The following IKZF3 variants were observed in gnomAD, a reference collection of about 807,000 sequenced individuals.
IKZF3 encodes the protein IKAROS family zinc finger 3.
IKZF3 carries 10 observed loss-of-function variants against 49.0 expected under a neutral mutation model. The observed-to-expected ratio is 0.20, with a 90% CI of 0.13 to 0.35. The LOEUF is 0.35. Among genes scored for constraint, IKZF3 ranks in the 10% least tolerant of loss-of-function variants. The pLI is 1.00. For missense variants in IKZF3, 498 were observed against 664.8 expected (o/e 0.75, Z 2.76); for synonymous variants, 209 against 228.2 (o/e 0.92, Z 0.76).
intron 7 of IKZF3, among the ~76,000 whole-genome samples, chr17:39,775,810 G>A (rs9913596): frequency 0.057 from 8,704 of 151,880 alleles, 384 homozygotes; most frequent in African/African-American, 0.12. Context: ...TGTAATCCCA[G>A]CTACTCAGGA....
At chr17:39,856,025 A>ATGTACAATATAACATGTATATTGTATC (rs2063038419) in intron 1 of IKZF3, among the ~76,000 whole-genome samples, 1 of 134,134 alleles carries the variant, frequency 7.5e-6, no homozygotes. Flanking sequence ...TATATTGTAT[A>ATGTACAATATAACATGTATATTGTATC]TGTACAATAT....
At chr17:39,845,052 A>G (rs963554955) in intron 1 of IKZF3, among the ~76,000 whole-genome samples, 5 of 152,220 alleles carry the variant, frequency 3.3e-5, no homozygotes. Context: ...GAAGTTTTAT[A>G]TCTCTATTGT....
intron 1 of IKZF3, among the ~76,000 whole-genome samples, chr17:39,849,894 T>C (rs1367386139): frequency 6.6e-6 from 1 of 151,476 alleles, no homozygotes; most frequent in Non-Finnish European, 1.5e-5. Context: ...GTGGAACAAG[T>C]ATAACTCTCA....
chr17:39,820,271 G>C (rs2061773937), intron 3 of IKZF3, among the ~76,000 whole-genome samples: 1 of 152,160 alleles, frequency 6.6e-6, no homozygotes, highest in African/African-American at 2.4e-5. Flanking sequence ...CTGAAGAAAT[G>C]ACATTTAAGA....
intron 7 of IKZF3, among the ~76,000 whole-genome samples, chr17:39,774,231 T>C (rs1274864327): frequency 6.6e-6 from 1 of 152,138 alleles, no homozygotes; most frequent in Non-Finnish European, 1.5e-5. Context: ...CTGAGTGCTG[T>C]GCAACTGTCA....
At chr17:39,841,751 T>C (rs2062474284) in intron 1 of IKZF3, among the ~76,000 whole-genome samples, 2 of 152,010 alleles carry the variant, frequency 1.3e-5, no homozygotes, top group African/African-American at 4.8e-5. Context: ...TTCTACTATA[T>C]ATAAAAAGAT....
intron 5 of IKZF3, among the ~76,000 whole-genome samples, chr17:39,788,846 C>T (rs540903868): frequency 6.6e-6 from 1 of 152,314 alleles, no homozygotes; most frequent in East Asian, 1.9e-4. Context: ...AGAACATTGA[C>T]ATATTTGGGT....
intron 6 of IKZF3, among the ~76,000 whole-genome samples, chr17:39,782,174 T>G (rs2060759392): frequency 6.6e-6 from 1 of 152,240 alleles, no homozygotes; most frequent in South Asian, 2.1e-4. Context: ...GGCACTCATT[T>G]TCTTTCCTAA....
In IKZF3 at chr17:39,758,819, A is replaced by C. The variant is rs2060118319; in HGVS notation, c.*6971T>G. On this transcript the variant is annotated 3_prime_UTR_variant, in exon 8 of 8. Coordinates refer to ENST00000346872, the MANE Select transcript of IKZF3 (RefSeq NM_012481.5). Reference sequence around the variant, plus strand: ...AAACTGTTAGAGATCAGTTACCTCCATAATTCATTTGTAAAGGAATTGCTA... The same window carrying C: ...AAACTGTTAGAGATCAGTTACCTCCCTAATTCATTTGTAAAGGAATTGCTA... The C allele has an allele frequency of 1.3e-5, 2 of 149,432 alleles. No individual in the cohort carries two copies. The highest frequency in any genetic ancestry group is 4.3e-4 in the South Asian group (2 of 4,610). The allele number at this position is 149,432 out of a possible 1,614,324, so 9.3% of individuals were successfully genotyped here. A position where few individuals can be genotyped will look rare whatever the true frequency, so the allele number is the denominator to read the frequency against.
chr17:39,802,090 C>T lies in IKZF3; in HGVS notation c.164-9157G>A, dbSNP rs370775261. On this transcript the variant is annotated intron_variant, in intron 3 of 7. Coordinates refer to ENST00000346872, the MANE Select transcript of IKZF3 (RefSeq NM_012481.5). Reference sequence around the variant, plus strand: ...ATAAAAAATTAGCCGGGCATGGTGACGGGCACCTGTAGTCCCAGCTACTCG... The same window carrying T: ...ATAAAAAATTAGCCGGGCATGGTGATGGGCACCTGTAGTCCCAGCTACTCG... Among the ~76,000 whole-genome samples, 16 of 151,504 alleles carry T rather than the reference C, an allele frequency of 1.1e-4. No individual in the cohort carries two copies. In the East Asian group the frequency reaches 2.9e-3, roughly 28 times the overall value.
intron 3 of IKZF3, among the ~76,000 whole-genome samples, chr17:39,826,274 C>T (rs1405497804): frequency 6.6e-6 from 1 of 152,188 alleles, no homozygotes; most frequent in Admixed American, 6.5e-5. Flanking sequence ...AACTCCTGAG[C>T]TCAAGCAATC....
chr17:39,824,646 C>T (rs1168463507), intron 3 of IKZF3, among the ~76,000 whole-genome samples: 1 of 151,502 alleles, frequency 6.6e-6, no homozygotes, highest in South Asian at 2.1e-4. Flanking sequence ...GTGGTTTCCC[C>T]CATGTTGGTC....
intron 1 of IKZF3, among the ~76,000 whole-genome samples, chr17:39,858,788 C>A (rs1473224243): frequency 1.3e-5 from 2 of 151,710 alleles, no homozygotes; most frequent in African/African-American, 4.8e-5. Context: ...CTGTATACCA[C>A]TTTGGACTTA....
At position 39,793,755 on chromosome 17, in the gene IKZF3, C is replaced by A. The variant is rs191187356; in HGVS notation, c.164-822G>T. ...GGAGGGACTGGCTCAAGTGAGTTGG[C>A]TGACCAAGTACTATCTTAAGAACTG... On this transcript the variant is annotated intron_variant, in intron 3 of 7. Coordinates refer to ENST00000346872, the MANE Select transcript of IKZF3 (RefSeq NM_012481.5). Among the ~76,000 whole-genome samples the A allele has an allele frequency of 9.3e-4, 141 of 152,156 alleles. 1 individual carries two copies. The highest frequency in any genetic ancestry group is 1.6e-3 in the Non-Finnish European group (110 of 68,008).
chr17:39,818,492 C>T (rs146760210), intron 3 of IKZF3, among the ~76,000 whole-genome samples: 132 of 152,224 alleles, frequency 8.7e-4, no homozygotes, highest in African/African-American at 3.1e-3. Context: ...AAAGTGAAAC[C>T]GCAGAGAAGG....
rs2060254161 is a variant in IKZF3 at position 39,764,891 on chromosome 17, C to T, written c.*899G>A. 1 of 152,306 alleles carries T rather than the reference C, an allele frequency of 6.6e-6. No individual in the cohort carries two copies. Among genetic ancestry groups the T allele is most frequent in the Non-Finnish European group, 1.5e-5 (1 of 68,018 alleles). 9.4% of individuals were successfully genotyped at this position (152,306 alleles called of 1,614,324 possible). On this transcript the variant is annotated 3_prime_UTR_variant, in exon 8 of 8. Coordinates refer to ENST00000346872, the MANE Select transcript of IKZF3 (RefSeq NM_012481.5). ...TGGCAAATTTGCTTTGGGTCTGTATCACCAATTCTCCATGAACTCTTTCAA... is the reference window on the plus strand; with the variant it reads ...TGGCAAATTTGCTTTGGGTCTGTATTACCAATTCTCCATGAACTCTTTCAA...
At chr17:39,818,093 G>A (rs2061718545) in intron 3 of IKZF3, among the ~76,000 whole-genome samples, 1 of 152,184 alleles carries the variant, frequency 6.6e-6, no homozygotes, top group Non-Finnish European at 1.5e-5. Context: ...TGTACAGCAT[G>A]TTATGGGTAC....
intron 3 of IKZF3, among the ~76,000 whole-genome samples, chr17:39,818,755 G>A (rs1051361298): frequency 2.6e-5 from 4 of 152,304 alleles, no homozygotes; most frequent in Middle Eastern, 3.4e-3. Context: ...CTACTCAGGA[G>A]GCTGAGGCAC....
At chr17:39,791,057 AAG>A (rs1479723165) in intron 5 of IKZF3, among the ~76,000 whole-genome samples, 1 of 152,174 alleles carries the variant, frequency 6.6e-6, no homozygotes, top group Non-Finnish European at 1.5e-5. Context: ...TTTGAATGGA[AAG>A]AGTGTGTGTG....
Sources: gnomAD v4.1 joint callset for allele counts (sites outside exome capture counted in the v4.1 genomes callset) on GRCh38, gnomAD v4.1.1 for gene constraint, MANE v1.5 for transcripts, NCBI Gene and HGNC (gene_info 2026-07-23, HGNC 2026-07-21) for gene names.